Variants in FBXO31 observed in about 807,000 individuals in gnomAD.
FBXO31 encodes F-box only protein 31.
A neutral mutation model predicts 54.4 loss-of-function variants in FBXO31; 24 were observed. That is an observed-to-expected ratio of 0.44 (90% confidence interval 0.32 to 0.62). FBXO31 has a LOEUF of 0.62. Ranked by LOEUF, FBXO31 falls within the 20% of genes least tolerant of loss-of-function variation. FBXO31 has a pLI of 0.05. For synonymous variants in FBXO31, 388 were observed against 335.6 expected (o/e 1.16, Z -1.71); for missense variants, 665 against 787.1 (o/e 0.84, Z 1.86).
At chr16:87,384,013 A>G (rs990362819), upstream of FBXO31, 5 of 209,974 alleles carry the variant, frequency 2.4e-5, no homozygotes, top group Non-Finnish European at 4.7e-5. Flanking sequence ...CGAGTGCAAA[A>G]CGTTAGACTG....
intron 1 of FBXO31, among the ~76,000 whole-genome samples, chr16:87,374,903 C>A (rs776693561): frequency 2.0e-5 from 3 of 152,238 alleles, no homozygotes; most frequent in Non-Finnish European, 4.4e-5. Flanking sequence ...ACAGTGCCGA[C>A]TGGGCGTAAT....
rs1016587387 is a variant in FBXO31, at chr16:87,368,976, A to G, written c.341-8610T>C. Among the ~76,000 whole-genome samples the G allele has an allele frequency of 6.6e-5, 10 of 151,870 alleles. No individual in the cohort carries two copies. The East Asian group carries it at 1.9e-3, about 29-fold the overall frequency. ...CACCACACCTGGCCCCAATTTTTGT[A>G]TTTTTAGTAGTGACGGGGTTTCGCC... On this transcript the variant is annotated intron_variant, in intron 1 of 8. Coordinates refer to ENST00000311635, the MANE Select transcript of FBXO31 (RefSeq NM_024735.5).
chr16:87,335,313 G>A lies in FBXO31; in HGVS notation c.987C>T (p.Thr329=), dbSNP rs536118734. 1 of 1,613,704 alleles carries A rather than the reference G, an allele frequency of 6.2e-7. No individual in the cohort carries two copies. ...GTCAGCCGCCACTCACCGTGATCTTGGTGCCCCTGGCACGCCGGCCGTGGA... is the reference window on the plus strand; with the variant it reads ...GTCAGCCGCCACTCACCGTGATCTTAGTGCCCCTGGCACGCCGGCCGTGGA... ...LSFHGRRARG[T]KITGDPNIPA... Residue 329 remains threonine, a synonymous_variant, in exon 7 of 9, where the codon ACC becomes ACT. Coordinates refer to ENST00000311635, the MANE Select transcript of FBXO31 (RefSeq NM_024735.5). This position sits in a 1 kb window ranked among gnomAD's most constrained non-coding sequence, Gnocchi z 5.7.
chr16:87,363,979 G>A (rs1196214799), intron 1 of FBXO31, among the ~76,000 whole-genome samples: 1 of 152,234 alleles, frequency 6.6e-6, no homozygotes, highest in Non-Finnish European at 1.5e-5. Flanking sequence ...GGAGGGGGAA[G>A]GGGAAAGACG....
chr16:87,349,572 A>G, intron 2 of FBXO31, among the ~76,000 whole-genome samples: 1 of 152,202 alleles, frequency 6.6e-6, no homozygotes, highest in East Asian at 1.9e-4. Context: ...TTAGCCAGGC[A>G]TAGTGGCAAG....
chr16:87,383,853 G>T (rs1416206466), upstream of FBXO31: 1 of 815,962 alleles, frequency 1.2e-6, no homozygotes, highest in African/African-American at 1.8e-5. The surrounding 1 kb of genome is among the most constrained non-coding windows in gnomAD (Gnocchi z 4.9). Context: ...GCCCCCTGGA[G>T]AGCCTAGCCC....
intron 1 of FBXO31, among the ~76,000 whole-genome samples, chr16:87,366,821 A>C (rs1406575270): frequency 1.3e-5 from 2 of 152,222 alleles, no homozygotes; most frequent in Non-Finnish European, 2.9e-5. Flanking sequence ...AAAGGGGCAC[A>C]CACATCTAGG....
At chr16:87,380,526 C>T (rs1907032280) in intron 1 of FBXO31, among the ~76,000 whole-genome samples, 1 of 152,096 alleles carries the variant, frequency 6.6e-6, no homozygotes. Flanking sequence ...CCTCAGCCTT[C>T]CACAGGCACG....
intron 1 of FBXO31, among the ~76,000 whole-genome samples, chr16:87,371,924 A>C (rs1906620257): frequency 6.6e-6 from 1 of 152,016 alleles, no homozygotes; most frequent in African/African-American, 2.4e-5. Context: ...AAAAAAAAAT[A>C]GTCTTAAAAA....
chr16:87,340,697 C>T (rs758304434), intron 5 of FBXO31, among the ~76,000 whole-genome samples: 22 of 152,170 alleles, frequency 1.4e-4, no homozygotes, highest in South Asian at 2.1e-4. Context: ...GTGGCTCATG[C>T]CTGTAGCCCC....
At chr16:87,363,708 C>A (rs1476071279) in intron 1 of FBXO31, among the ~76,000 whole-genome samples, 2 of 152,124 alleles carry the variant, frequency 1.3e-5, no homozygotes, top group Non-Finnish European at 2.9e-5. Flanking sequence ...CATGAGAGAA[C>A]TGGACAGGGA....
At chr16:87,342,127 G>A (rs1905214321) in intron 5 of FBXO31, among the ~76,000 whole-genome samples, 1 of 152,086 alleles carries the variant, frequency 6.6e-6, no homozygotes, top group African/African-American at 2.4e-5. Flanking sequence ...GTGCGGTGGT[G>A]CGCTCATAGC....
At chr16:87,377,255 G>A (rs943437974) in intron 1 of FBXO31, among the ~76,000 whole-genome samples, 17 of 152,236 alleles carry the variant, frequency 1.1e-4, no homozygotes, top group Admixed American at 4.6e-4. Context: ...GACCAGCCTG[G>A]GCAACGTGGT....
At chr16:87,334,873 C>G (rs1453972757) in intron 7 of FBXO31, among the ~76,000 whole-genome samples, 1 of 152,218 alleles carries the variant, frequency 6.6e-6, no homozygotes, top group Non-Finnish European at 1.5e-5. Flanking sequence ...CAGGCCACTC[C>G]AAGGAGAGGA....
chr16:87,333,104 A>C (rs1347053113), intron 8 of FBXO31, among the ~76,000 whole-genome samples: 1 of 152,260 alleles, frequency 6.6e-6, no homozygotes, highest in Non-Finnish European at 1.5e-5. Flanking sequence ...GACACGGGGC[A>C]GGGCCTTGTT....
chr16:87,328,800 C>T lies in FBXO31; in HGVS notation c.*2488G>A, dbSNP rs1012780562. 1.3e-5 allele frequency: 2 copies of T among 152,304 alleles called. No homozygotes were observed. Among genetic ancestry groups the T allele is most frequent in the African/African-American group, 4.8e-5 (2 of 41,452 alleles). 9.4% of individuals were successfully genotyped at this position (152,304 alleles called of 1,614,324 possible). ...CCGTGGTGCAAAAGATGGAGAGTCC[C>T]AACCTCCCAACTCCACCTGCCACCT... On this transcript the variant is annotated 3_prime_UTR_variant, in exon 9 of 9. Coordinates refer to ENST00000311635, the MANE Select transcript of FBXO31 (RefSeq NM_024735.5).
Position 87,329,282 on chromosome 16 carries a change from G to A in FBXO31, c.*2006C>T, listed in dbSNP as rs1283207600. On this transcript the variant is annotated 3_prime_UTR_variant, in exon 9 of 9. Transcript: ENST00000311635. Reference sequence around the variant, plus strand: ...CCACATGAACTGACCAACAGCCCATGGCTGAGACATGATGGGTGGAAGCTA... The same window carrying A: ...CCACATGAACTGACCAACAGCCCATAGCTGAGACATGATGGGTGGAAGCTA... 2.0e-5 allele frequency: 3 copies of A among 152,366 alleles called. No homozygotes were observed. The highest frequency in any genetic ancestry group is 2.9e-5 in the Non-Finnish European group (2 of 68,164). The allele number at this position is 152,366 out of a possible 1,614,324, so 9.4% of individuals were successfully genotyped here.
chr16:87,355,701 T>A (rs1464168116), intron 2 of FBXO31, among the ~76,000 whole-genome samples: 1 of 152,176 alleles, frequency 6.6e-6, no homozygotes, highest in Non-Finnish European at 1.5e-5. Flanking sequence ...CAACTGGCGC[T>A]ACATCACAAT....
upstream of FBXO31, chr16:87,386,158 T>G (rs903487630): frequency 6.6e-6 from 1 of 152,034 alleles, no homozygotes; most frequent in African/African-American, 2.4e-5. Context: ...TCAGGAGGCC[T>G]GAGGGAAACA....
Sources: allele counts gnomAD v4.1 joint callset (sites outside exome capture counted in the v4.1 genomes callset), GRCh38; gene constraint gnomAD v4.1.1; non-coding constraint Gnocchi (gnomAD v3.1); transcripts MANE v1.5; gene names NCBI Gene and HGNC (gene_info 2026-07-23, HGNC 2026-07-21).